The following MERTK variants were observed in gnomAD, a reference collection of about 807,000 sequenced individuals.
MERTK encodes the protein tyrosine-protein kinase Mer.
MERTK carries 69 observed loss-of-function variants against 99.3 expected under a neutral mutation model. That is an observed-to-expected ratio of 0.70 (90% CI 0.57 to 0.85). MERTK has a LOEUF of 0.85. Among genes scored for constraint, MERTK ranks in the 40% least tolerant of loss-of-function variants. MERTK has a pLI of 0.00. For synonymous variants in MERTK, 426 were observed against 467.6 expected (o/e 0.91, Z 1.15); for missense variants, 1,125 against 1,249.4 (o/e 0.90, Z 1.50).
At chr2:111,943,454 G>T (rs562458331) in intron 2 of MERTK, among the ~76,000 whole-genome samples, 1 of 152,014 alleles carries the variant, frequency 6.6e-6, no homozygotes, top group Non-Finnish European at 1.5e-5. Flanking sequence ...TGGGAAGATG[G>T]CTTGAGCCCA....
intron 1 of MERTK, among the ~76,000 whole-genome samples, chr2:111,921,944 G>C (rs1175063599): frequency 6.6e-6 from 1 of 152,156 alleles, no homozygotes; most frequent in Non-Finnish European, 1.5e-5. Flanking sequence ...CCATTTTATT[G>C]TTGGGGAAGG....
In MERTK at chr2:111,965,179, C is replaced by T. The variant is rs1685336783; in HGVS notation, c.758-12C>T. 6.2e-7 allele frequency: 1 copy of T among 1,613,576 alleles called. No homozygotes were observed. The highest frequency in any genetic ancestry group is 1.1e-5 in the South Asian group (1 of 91,082). ...CTCTGCTGCTGGTCTCATGAGTCTC[C>T]TTCCATTCCAGGCCTGACGGAGATG... On this transcript the variant is annotated splice_polypyrimidine_tract_variant and intron_variant, in intron 4 of 18. Transcript: ENST00000295408.
Position 111,970,188 on chromosome 2 carries a change from G to A in MERTK, c.960+1936G>A, listed in dbSNP as rs146918702. 6.4e-3 allele frequency among the ~76,000 whole-genome samples: 961 copies of A among 149,808 alleles called. 12 individuals carry two copies. Among genetic ancestry groups the A allele is most frequent in the African/African-American group, 0.023 (923 of 40,658 alleles). On this transcript the variant is annotated intron_variant, in intron 6 of 18. Transcript: ENST00000295408. ...TTTTTTTAATTTGAGACGTAGTCTCGCTCTGTTACCTAGGCTGGAGTGCAG... is the reference window on the plus strand; with the variant it reads ...TTTTTTTAATTTGAGACGTAGTCTCACTCTGTTACCTAGGCTGGAGTGCAG...
At chr2:111,964,514 A>G (rs1021274640) in intron 4 of MERTK, among the ~76,000 whole-genome samples, 1 of 152,202 alleles carries the variant, frequency 6.6e-6, no homozygotes, top group South Asian at 2.1e-4. Context: ...TTCTCCAAGG[A>G]GCCCTGGTTC....
chr2:112,003,757 T>C (rs777062869), intron 12 of MERTK, 147 bp from the exon 13 acceptor site: 26 of 721,836 alleles, frequency 3.6e-5, no homozygotes, highest in Non-Finnish European at 5.8e-5. Flanking sequence ...TGGTTTGCGA[T>C]GTGGGTGGCC....
At chr2:111,944,698 G>A (rs2104702303) in intron 2 of MERTK, among the ~76,000 whole-genome samples, 1 of 152,216 alleles carries the variant, frequency 6.6e-6, no homozygotes, top group South Asian at 2.1e-4. Flanking sequence ...TCAACTGTTT[G>A]GATGGGGCCT....
intron 8 of MERTK, among the ~76,000 whole-genome samples, chr2:111,984,360 G>T (rs1676429687): frequency 6.6e-6 from 1 of 152,140 alleles, no homozygotes; most frequent in African/African-American, 2.4e-5. Flanking sequence ...GAGCCACATA[G>T]CTGGGCACCT....
chr2:111,966,430 C>T (rs1349032835), intron 5 of MERTK, among the ~76,000 whole-genome samples: 1 of 152,110 alleles, frequency 6.6e-6, no homozygotes, highest in Admixed American at 6.5e-5. Flanking sequence ...ATCACAATTC[C>T]CATTATTACA....
At chr2:112,024,664 C>A (rs761292206) in intron 18 of MERTK, among the ~76,000 whole-genome samples, 15 of 152,226 alleles carry the variant, frequency 9.9e-5, no homozygotes, top group Non-Finnish European at 1.6e-4. Context: ...TGCAGTGGCT[C>A]ATGCCTGTAA....
chr2:112,019,174 AAATACTTTTAAAGATGGGGAAAAGAG>A (rs1471062242), intron 15 of MERTK, among the ~76,000 whole-genome samples: 11 of 152,314 alleles, frequency 7.2e-5, no homozygotes, highest in African/African-American at 2.6e-4. Flanking sequence ...CATTCACTGT[AAATACTTTTAAAGATGGGGAAAAGAG>A]AATATGATGT....
chr2:111,963,785 C>A (rs527983648), intron 4 of MERTK, among the ~76,000 whole-genome samples: 27 of 152,032 alleles, frequency 1.8e-4, no homozygotes, highest in African/African-American at 6.5e-4. Flanking sequence ...CAGTAACAAT[C>A]TGATCTCTCT....
intron 2 of MERTK, among the ~76,000 whole-genome samples, chr2:111,941,826 A>G (rs955600808): frequency 6.6e-6 from 1 of 152,180 alleles, no homozygotes; most frequent in East Asian, 1.9e-4. Context: ...ATGACTAAAG[A>G]CAAACTTCCG....
At position 111,904,190 on chromosome 2, in the gene MERTK, A is replaced by C. The variant is rs187957812; in HGVS notation, c.61+5394A>C. 9.2e-5 allele frequency among the ~76,000 whole-genome samples: 14 copies of C among 152,330 alleles called. No individual in the cohort carries two copies. In the Middle Eastern group the frequency reaches 0.014, roughly 148 times the overall value. On this transcript the variant is annotated intron_variant, in intron 1 of 18. Coordinates refer to ENST00000295408, the MANE Select transcript of MERTK (RefSeq NM_006343.3). The stretch of plus-strand genomic sequence containing the variant: ...CCCCATACCTTCCCTTATGGAGTTC[A>C]AACTTGACATAGTACAGGAATAGCT...
Position 111,979,588 on chromosome 2 carries a change from G to A in MERTK, c.1145-3254G>A, listed in dbSNP as rs772207700. Among the ~76,000 whole-genome samples, 4 of 151,906 alleles carry A rather than the reference G, an allele frequency of 2.6e-5. No homozygotes were observed. In the East Asian group the frequency reaches 5.8e-4, roughly 22 times the overall value. ...GTTTTTTCCAGGAATTGTGTTAGAC[G>A]ATTGTTAATTAGACCTCTTCGATTG... On this transcript the variant is annotated intron_variant, in intron 7 of 18. Transcript: ENST00000295408.
At chr2:111,936,580 T>C (rs773187907) in intron 2 of MERTK, among the ~76,000 whole-genome samples, 10 of 152,296 alleles carry the variant, frequency 6.6e-5, no homozygotes, top group Non-Finnish European at 1.2e-4. Flanking sequence ...GGATGTCTGT[T>C]ATTGTTGATG....
intron 8 of MERTK, among the ~76,000 whole-genome samples, chr2:111,992,735 A>T (rs1256233269): frequency 6.8e-6 from 1 of 147,126 alleles, no homozygotes; most frequent in Non-Finnish European, 1.5e-5. Flanking sequence ...TGGGTGACAG[A>T]GCAAGACTCC....
chr2:111,923,274 A>G (rs555859597), intron 1 of MERTK, among the ~76,000 whole-genome samples: 14 of 152,346 alleles, frequency 9.2e-5, no homozygotes, highest in African/African-American at 3.4e-4. Context: ...ATAAACATTC[A>G]CTAATCAGGT....
chr2:111,996,545 C>G (rs562224002), intron 9 of MERTK: 3 of 154,570 alleles, frequency 1.9e-5, no homozygotes, highest in African/African-American at 7.2e-5. Context: ...TAAAGAAATG[C>G]AAAGTGATAG....
intron 1 of MERTK, among the ~76,000 whole-genome samples, chr2:111,928,403 G>GT (rs1684608083): frequency 6.7e-6 from 1 of 150,222 alleles, no homozygotes. Flanking sequence ...TTTTTGGGGT[G>GT]GTTTTTTTTT....
Sources: gnomAD v4.1 joint callset for allele counts (sites outside exome capture counted in the v4.1 genomes callset) on GRCh38, gnomAD v4.1.1 for gene constraint, MANE v1.5 for transcripts, NCBI Gene and HGNC (gene_info 2026-07-23, HGNC 2026-07-21) for gene names.